Variants in TRIM61 observed in about 807,000 individuals in gnomAD.
The protein encoded by TRIM61 is tripartite motif containing 61, also known as putative tripartite motif-containing protein 61.
In TRIM61, 1 loss-of-function variant was observed where a neutral mutation model predicts 14.2. That is an observed-to-expected ratio of 0.07 (90% CI 0.03 to 0.33). The LOEUF is 0.33. Among genes scored for constraint, TRIM61 ranks in the 10% least tolerant of loss-of-function variants. The pLI, the probability that TRIM61 is intolerant of heterozygous loss-of-function variation, is 0.99. For synonymous variants in TRIM61, 8 were observed against 71.6 expected, an observed-to-expected ratio of 0.11 and a Z score of 4.49; for missense variants, 19 against 202.2, an observed-to-expected ratio of 0.09 and a Z score of 5.49.
chr4:164,965,120 T>C (rs1033893029), intron 3 of TRIM61, among the ~76,000 whole-genome samples: 12 of 152,088 alleles, frequency 7.9e-5, no homozygotes, highest in African/African-American at 2.4e-4. Context: ...AAACCCCGTC[T>C]CTACTAAAAA....
intron 3 of TRIM61, chr4:164,957,915 G>T (rs1372197184): frequency 5.8e-6 from 1 of 172,084 alleles, no homozygotes; most frequent in Admixed American, 6.1e-5. Context: ...TTTAACAAGG[G>T]ATGATGATTC....
chr4:164,954,510 C>A lies in TRIM61; in HGVS notation c.*275G>T, dbSNP rs988502451. 3 of 152,116 alleles carry A rather than the reference C, an allele frequency of 2.0e-5. No homozygotes were observed. The highest frequency in any genetic ancestry group is 4.4e-5 in the Non-Finnish European group (3 of 68,032). 9.4% of individuals were successfully genotyped at this position (152,116 alleles called of 1,614,324 possible). On this transcript the variant is annotated 3_prime_UTR_variant, in exon 5 of 5. Transcript: ENST00000329314. The stretch of plus-strand genomic sequence containing the variant: ...TGTATTATTAGAAAGATAAACATTC[C>A]AATATACATCTAAAATTATATATAT...
At chr4:164,964,116 G>A (rs926972524) in intron 3 of TRIM61, among the ~76,000 whole-genome samples, 11 of 151,944 alleles carry the variant, frequency 7.2e-5, no homozygotes, top group Middle Eastern at 3.4e-3. Context: ...TTGGGAGGCC[G>A]AGGCGGGCTG....
At chr4:164,963,744 CAAAAAA>C (rs70952672) in intron 3 of TRIM61, among the ~76,000 whole-genome samples, 1 of 117,116 alleles carries the variant, frequency 8.5e-6, no homozygotes. Flanking sequence ...AACTCTGTTT[CAAAAAA>C]AAAAAAAAAA....
intron 3 of TRIM61, chr4:164,956,937 A>C: frequency 7.6e-7 from 1 of 1,321,476 alleles, no homozygotes; most frequent in East Asian, 2.5e-5. Context: ...TGCGGCCGGC[A>C]CCGTCTCTGG....
At chr4:164,955,415 T>G (rs1231973086) in intron 3 of TRIM61, among the ~76,000 whole-genome samples, 1 of 151,930 alleles carries the variant, frequency 6.6e-6, no homozygotes, top group African/African-American at 2.4e-5. Context: ...TTAAAAAATT[T>G]TTTCCAGGCT....
At chr4:164,954,877 G>C (rs1314711138) in intron 4 of TRIM61, 1 of 190,772 alleles carries the variant, frequency 5.2e-6, no homozygotes, top group Non-Finnish European at 1.1e-5. Flanking sequence ...GCCAAGGCAG[G>C]CAGATCACAA....
chr4:164,975,808 G>T (rs1431783431), intron 2 of TRIM61, among the ~76,000 whole-genome samples: 1 of 152,228 alleles, frequency 6.6e-6, no homozygotes, highest in East Asian at 1.9e-4. Flanking sequence ...CACCCGTAAA[G>T]GGTCTGTGCT....
intron 3 of TRIM61, among the ~76,000 whole-genome samples, chr4:164,956,267 T>C (rs1219841845): frequency 6.6e-6 from 1 of 152,118 alleles, no homozygotes; most frequent in Non-Finnish European, 1.5e-5. Context: ...GGTTTCACCA[T>C]GTTGGCCTGG....
chr4:164,968,494 T>A, intron 3 of TRIM61: 1 of 985,586 alleles, frequency 1.0e-6, no homozygotes, highest in Non-Finnish European at 1.2e-6. Flanking sequence ...TGCTTTCTTA[T>A]GGGAAAAACT....
intron 2 of TRIM61, among the ~76,000 whole-genome samples, chr4:164,974,721 GGAAAAGAAA>G (rs1008547580): frequency 1.3e-5 from 2 of 151,786 alleles, no homozygotes; most frequent in East Asian, 3.9e-4. Flanking sequence ...CTCTACAAAA[GGAAAAGAAA>G]GAAAAGAAAT....
At chr4:164,965,098 G>A (rs1214171991) in intron 3 of TRIM61, among the ~76,000 whole-genome samples, 2 of 152,122 alleles carry the variant, frequency 1.3e-5, no homozygotes. Flanking sequence ...GACCAGCCTG[G>A]CCAACATGGT....
chr4:164,973,379 A>G (rs1732413170), intron 2 of TRIM61, among the ~76,000 whole-genome samples: 1 of 152,204 alleles, frequency 6.6e-6, no homozygotes, highest in South Asian at 2.1e-4. Flanking sequence ...ACGGCATCCT[A>G]TGCAGCCCTC....
At position 164,969,458 on chromosome 4, in the gene TRIM61, T is replaced by G. The variant is rs779727774; in HGVS notation, c.525+20A>C. The stretch of plus-strand genomic sequence containing the variant: ...AAGTTGCTCAAATTCAGACTTGACT[T>G]CTTCTGCCCTATGTTTTACCTTTTT... On this transcript the variant is annotated intron_variant, in intron 3 of 4. Transcript: ENST00000329314. The G allele has an allele frequency of 2.6e-6, 4 of 1,531,042 alleles. No individual in the cohort carries two copies. In the East Asian group the frequency reaches 9.0e-5, roughly 34 times the overall value. 94.8% of individuals were successfully genotyped at this position (1,531,042 alleles called of 1,614,324 possible).
At chr4:164,967,857 A>T (rs1350596335) in intron 3 of TRIM61, among the ~76,000 whole-genome samples, 1 of 151,788 alleles carries the variant, frequency 6.6e-6, no homozygotes, top group Non-Finnish European at 1.5e-5. Flanking sequence ...AAAAAGGCTG[A>T]AAGTAGCTAC....
At chr4:164,964,363 A>T (rs1732196049) in intron 3 of TRIM61, among the ~76,000 whole-genome samples, 1 of 150,840 alleles carries the variant, frequency 6.6e-6, no homozygotes, top group African/African-American at 2.4e-5. Context: ...AAAAAAAAAG[A>T]AAAGAAACTA....
Position 164,968,100 on chromosome 4 carries a change from C to T in TRIM61, c.525+1378G>A, listed in dbSNP as rs551703042. On this transcript the variant is annotated intron_variant, in intron 3 of 4. Coordinates refer to ENST00000329314, the MANE Select transcript of TRIM61 (RefSeq NM_001012414.3). ...CTGGGAGACGGAGGTTGCAGTGAGC[C>T]GAGATCCTGGCCATTGCACTCCAGC... 14 of 915,150 alleles carry T rather than the reference C, an allele frequency of 1.5e-5. No homozygotes were observed. In the African/African-American group the frequency reaches 2.2e-4, roughly 14 times the overall value. 56.7% of individuals were successfully genotyped at this position (915,150 alleles called of 1,614,324 possible).
At chr4:164,957,153 A>G (rs1238561599) in intron 3 of TRIM61, 6 of 1,610,166 alleles carry the variant, frequency 3.7e-6, no homozygotes, top group African/African-American at 1.3e-5. Flanking sequence ...GGTCTCCCTA[A>G]CAGACCTTAT....
intron 3 of TRIM61, among the ~76,000 whole-genome samples, chr4:164,967,808 T>C (rs1001375441): frequency 1.3e-5 from 2 of 150,460 alleles, no homozygotes; most frequent in Non-Finnish European, 3.0e-5. Flanking sequence ...AACACCACGC[T>C]GGGCAAAATA....
Sources: gnomAD v4.1 joint callset for allele counts (sites outside exome capture counted in the v4.1 genomes callset) on GRCh38, gnomAD v4.1.1 for gene constraint, MANE v1.5 for transcripts, NCBI Gene and HGNC (gene_info 2026-07-23, HGNC 2026-07-21) for gene names.